The following DYRK1A variants were observed in gnomAD, a reference collection of about 807,000 sequenced individuals.
DYRK1A encodes the protein dual specificity tyrosine phosphorylation regulated kinase 1A.
In DYRK1A, 9 loss-of-function variants were observed where a neutral mutation model predicts 79.7. The ratio of observed to expected loss-of-function variants is 0.11; its 90% CI spans 0.07 to 0.20. The LOEUF is 0.20. Ranked by LOEUF, DYRK1A falls within the 10% of genes least tolerant of loss-of-function variation. The probability of loss-of-function intolerance (pLI) is 1.00; values close to 1 mark genes in which losing one functional copy is unlikely to be tolerated. For missense variants in DYRK1A, 622 were observed against 956.0 expected, an observed-to-expected ratio of 0.65 and a Z score of 4.61; for synonymous variants, 349 against 329.7, an observed-to-expected ratio of 1.06 and a Z score of -0.63.
chr21:37,448,937 A>G (rs974663565), intron 2 of DYRK1A, among the ~76,000 whole-genome samples: 1 of 152,190 alleles, frequency 6.6e-6, no homozygotes, highest in African/African-American at 2.4e-5. Flanking sequence ...AGCCGAAGCA[A>G]TCTGCCTGCC....
chr21:37,453,351 C>T (rs2051523284), intron 2 of DYRK1A, among the ~76,000 whole-genome samples: 2 of 152,006 alleles, frequency 1.3e-5, no homozygotes, highest in Admixed American at 1.3e-4. Flanking sequence ...TTGGACGGTG[C>T]AAGTCTAGAA....
intron 1 of DYRK1A, among the ~76,000 whole-genome samples, chr21:37,388,541 A>T (rs1361559444): frequency 6.6e-6 from 1 of 152,172 alleles, no homozygotes; most frequent in Admixed American, 6.6e-5. Context: ...GTAAGAATTC[A>T]CATTGCCTTG....
At chr21:37,467,461 G>A (rs768277620) in intron 2 of DYRK1A, among the ~76,000 whole-genome samples, 38 of 152,136 alleles carry the variant, frequency 2.5e-4, no homozygotes, top group Non-Finnish European at 5.6e-4. Context: ...AAACTCCTGG[G>A]CTCAAGTGAT....
intron 1 of DYRK1A, among the ~76,000 whole-genome samples, chr21:37,418,702 C>T (rs1025303696): frequency 6.6e-6 from 1 of 152,112 alleles, no homozygotes; most frequent in African/African-American, 2.4e-5. Context: ...AATCTTGATT[C>T]AATTATTTTT....
At chr21:37,435,592 T>C (rs930591276) in intron 2 of DYRK1A, among the ~76,000 whole-genome samples, 2 of 152,258 alleles carry the variant, frequency 1.3e-5, no homozygotes, top group African/African-American at 4.8e-5. Flanking sequence ...ACTTTAGCTT[T>C]GTCTCTTAAA....
At position 37,448,652 on chromosome 21, in the gene DYRK1A, G is replaced by A. The variant is rs562018050; in HGVS notation, c.11-24032G>A. Among the ~76,000 whole-genome samples the A allele has an allele frequency of 3.3e-5, 5 of 152,226 alleles. No individual in the cohort carries two copies. The South Asian group carries it at 1.0e-3, about 32-fold the overall frequency. Reference sequence around the variant, plus strand: ...TATTTTATTTAAACTCAAATATTGAGCAAAGGAGGGAAATATATATAAAAC... The same window carrying A: ...TATTTTATTTAAACTCAAATATTGAACAAAGGAGGGAAATATATATAAAAC... On this transcript the variant is annotated intron_variant, in intron 2 of 11. Transcript: ENST00000647188.
At chr21:37,442,505 C>CT (rs1378080712) in intron 2 of DYRK1A, among the ~76,000 whole-genome samples, 1 of 152,132 alleles carries the variant, frequency 6.6e-6, no homozygotes, top group African/African-American at 2.4e-5. Context: ...TCTGTACTAT[C>CT]TAACCTTTTA....
chr21:37,413,028 T>C lies in DYRK1A; in HGVS notation c.-76-7271T>C, dbSNP rs146213178. Among the ~76,000 whole-genome samples, 6 of 152,296 alleles carry C rather than the reference T, an allele frequency of 3.9e-5. No individual in the cohort carries two copies. The East Asian group carries it at 1.2e-3, about 29-fold the overall frequency. On this transcript the variant is annotated intron_variant, in intron 1 of 11. Coordinates refer to ENST00000647188, the MANE Select transcript of DYRK1A (RefSeq NM_001347721.2). ...CAGAGGTCACATCTGAGGTTAGGGCTAAATGTGAAAGAGACATGGATTATT... is the reference window on the plus strand; with the variant it reads ...CAGAGGTCACATCTGAGGTTAGGGCCAAATGTGAAAGAGACATGGATTATT...
At chr21:37,368,979 G>A (rs1350828654) in intron 1 of DYRK1A, among the ~76,000 whole-genome samples, 1 of 152,016 alleles carries the variant, frequency 6.6e-6, no homozygotes, top group African/African-American at 2.4e-5. Flanking sequence ...CCCCCCCCAA[G>A]AAAACTATGT....
intron 1 of DYRK1A, among the ~76,000 whole-genome samples, chr21:37,370,273 G>C (rs1332204903): frequency 2.0e-5 from 3 of 149,588 alleles, no homozygotes; most frequent in African/African-American, 7.4e-5. Context: ...TTGAATCTTT[G>C]TTTTCACTTG....
At position 37,388,100 on chromosome 21, in the gene DYRK1A, ATTTTTTTTTT is replaced by A. The variant is rs34571307; in HGVS notation, c.-77+20485_-77+20494del. 4.5e-3 allele frequency among the ~76,000 whole-genome samples: 519 copies of A among 116,620 alleles called. 2 individuals are homozygous for A. The Middle Eastern group carries it at 0.062, about 14-fold the overall frequency. 76.5% of individuals were successfully genotyped at this position (116,620 alleles called of 152,430 possible). A position where few individuals can be genotyped will look rare whatever the true frequency, so the allele number is the denominator to read the frequency against. On this transcript the variant is annotated intron_variant, in intron 1 of 11. Coordinates refer to ENST00000647188, the MANE Select transcript of DYRK1A (RefSeq NM_001347721.2). Reference sequence around the variant, plus strand: ...TTTTTATCTGTCCCTCTTCCCTTTGATTTTTTTTTTTTTTTTTTTTTTACTCTTGCCCAGG... The same window carrying A: ...TTTTTATCTGTCCCTCTTCCCTTTGATTTTTTTTTTTTACTCTTGCCCAGG...
At chr21:37,398,668 C>T (rs1390975331) in intron 1 of DYRK1A, among the ~76,000 whole-genome samples, 1 of 152,118 alleles carries the variant, frequency 6.6e-6, no homozygotes, top group Non-Finnish European at 1.5e-5. Context: ...TGTACTTTGG[C>T]GATGTCAAGT....
At chr21:37,509,612 G>T (rs188491554) in intron 11 of DYRK1A, among the ~76,000 whole-genome samples, 7 of 152,210 alleles carry the variant, frequency 4.6e-5, no homozygotes, top group Non-Finnish European at 2.9e-5. Context: ...ACACCCTGCA[G>T]TGAGGTCTCA....
intron 1 of DYRK1A, among the ~76,000 whole-genome samples, chr21:37,409,873 C>G (rs549540089): frequency 6.6e-6 from 1 of 152,090 alleles, no homozygotes; most frequent in African/African-American, 2.4e-5. Flanking sequence ...CAGAAGAATT[C>G]AAGTGATCAC....
chr21:37,422,629 C>T (rs746205922), intron 2 of DYRK1A, among the ~76,000 whole-genome samples: 1 of 152,006 alleles, frequency 6.6e-6, no homozygotes, highest in Non-Finnish European at 1.5e-5. Context: ...GGCTGATGGG[C>T]CTTTCAGAAG....
chr21:37,394,229 T>C (rs2049920719), intron 1 of DYRK1A, among the ~76,000 whole-genome samples: 1 of 112,086 alleles, frequency 8.9e-6, no homozygotes, highest in Non-Finnish European at 2.1e-5. Context: ...TTAAACCCTT[T>C]TTTTTTTTTC....
At chr21:37,396,208 C>T (rs563145279) in intron 1 of DYRK1A, among the ~76,000 whole-genome samples, 3 of 151,790 alleles carry the variant, frequency 2.0e-5, no homozygotes, top group South Asian at 2.1e-4. Flanking sequence ...TAAATGAAAA[C>T]GCCTCTTTTT....
chr21:37,451,176 TAAAA>T (rs939228529), intron 2 of DYRK1A, among the ~76,000 whole-genome samples: 2 of 152,106 alleles, frequency 1.3e-5, no homozygotes, highest in Non-Finnish European at 2.9e-5. Context: ...ATCCAAAAGT[TAAAA>T]AAAGATTAAA....
chr21:37,488,859 G>A (rs182577027), intron 6 of DYRK1A: 8 of 985,244 alleles, frequency 8.1e-6, no homozygotes, highest in Non-Finnish European at 9.6e-6. Context: ...GACCATGATT[G>A]TGAGGTATCA....
Sources: gnomAD v4.1 joint callset for allele counts (sites outside exome capture counted in the v4.1 genomes callset) on GRCh38, gnomAD v4.1.1 for gene constraint, MANE v1.5 for transcripts, NCBI Gene and HGNC (gene_info 2026-07-23, HGNC 2026-07-21) for gene names.